Variants in FOXN3 observed in about 807,000 individuals in gnomAD.
The protein encoded by FOXN3 is forkhead box N3, also known as forkhead box protein N3.
Under a neutral mutation model 38.4 loss-of-function variants are expected in FOXN3, and 7 were observed. The observed-to-expected ratio is 0.18, with a 90% CI of 0.10 to 0.34. The LOEUF is 0.34. Among genes scored for constraint, FOXN3 ranks in the 10% least tolerant of loss-of-function variants. The pLI is 1.00. For synonymous variants in FOXN3, 230 were observed against 242.2 expected, an observed-to-expected ratio of 0.95 and a Z score of 0.47; for missense variants, 456 against 613.4, an observed-to-expected ratio of 0.74 and a Z score of 2.71.
intron 1 of FOXN3, among the ~76,000 whole-genome samples, chr14:89,435,060 C>G (rs1040034378): frequency 2.8e-4 from 42 of 152,150 alleles, no homozygotes; most frequent in Admixed American, 2.7e-3. Context: ...CCCATATATC[C>G]TAGACAAGAG....
At chr14:89,176,792 T>A (rs1887529981) in intron 5 of FOXN3, among the ~76,000 whole-genome samples, 1 of 152,188 alleles carries the variant, frequency 6.6e-6, no homozygotes, top group African/African-American at 2.4e-5. Context: ...ATGTTTGTGT[T>A]CCTTCTTTCC....
intron 4 of FOXN3, chr14:89,190,538 G>T: frequency 1.9e-6 from 2 of 1,054,292 alleles, no homozygotes; most frequent in Non-Finnish European, 1.4e-6. Flanking sequence ...GTTTATGAAT[G>T]CAACAGAGAA....
intron 1 of FOXN3, among the ~76,000 whole-genome samples, chr14:89,481,790 G>A (rs1355565891): frequency 6.6e-6 from 1 of 152,176 alleles, no homozygotes; most frequent in Non-Finnish European, 1.5e-5. Context: ...ACTCTTAGAA[G>A]AGTCTCAATA....
intron 1 of FOXN3, among the ~76,000 whole-genome samples, chr14:89,486,307 C>G (rs1893445569): frequency 6.6e-6 from 1 of 152,146 alleles, no homozygotes; most frequent in Non-Finnish European, 1.5e-5. Context: ...CTTTGTATTT[C>G]TACGACTCAC....
intron 2 of FOXN3, among the ~76,000 whole-genome samples, chr14:89,382,723 A>C (rs1461754058): frequency 6.6e-6 from 1 of 152,236 alleles, no homozygotes; most frequent in Non-Finnish European, 1.5e-5. Context: ...AAAATGGAAC[A>C]ATCATTGCCA....
At chr14:89,381,311 T>C (rs183847045) in intron 2 of FOXN3, among the ~76,000 whole-genome samples, 1 of 152,134 alleles carries the variant, frequency 6.6e-6, no homozygotes, top group East Asian at 1.9e-4. Context: ...CAGGATTCCT[T>C]GGGTGACTCA....
chr14:89,170,525 C>T (rs1241192518), intron 5 of FOXN3, among the ~76,000 whole-genome samples: 1 of 152,198 alleles, frequency 6.6e-6, no homozygotes, highest in African/African-American at 2.4e-5. Flanking sequence ...AATCTCCCAC[C>T]TCAGCCTCCC....
At chr14:89,370,194 AT>A (rs913352204) in intron 2 of FOXN3, among the ~76,000 whole-genome samples, 49 of 152,228 alleles carry the variant, frequency 3.2e-4, no homozygotes, top group African/African-American at 1.2e-3. Flanking sequence ...CAGAAAAAAA[AT>A]CATCTGTTTG....
At chr14:89,596,346 A>G (rs991970825) in intron 1 of FOXN3, among the ~76,000 whole-genome samples, 1 of 152,160 alleles carries the variant, frequency 6.6e-6, no homozygotes, top group Non-Finnish European at 1.5e-5. Flanking sequence ...CATATTGGCC[A>G]GGCTGGTCTC....
chr14:89,476,609 T>A (rs1226620059), intron 1 of FOXN3, among the ~76,000 whole-genome samples: 1 of 152,132 alleles, frequency 6.6e-6, no homozygotes, highest in Non-Finnish European at 1.5e-5. Context: ...ATAAACCACA[T>A]AAACATATTC....
intron 4 of FOXN3, among the ~76,000 whole-genome samples, chr14:89,202,600 C>T (rs1251501796): frequency 1.3e-5 from 2 of 152,168 alleles, no homozygotes; most frequent in Non-Finnish European, 2.9e-5. Context: ...CGGGGAGGAT[C>T]CCTCGTGAAT....
chr14:89,265,901 C>T (rs1176196507), intron 4 of FOXN3, among the ~76,000 whole-genome samples: 7 of 152,222 alleles, frequency 4.6e-5, no homozygotes, highest in Admixed American at 6.5e-5. Flanking sequence ...ATGACATTCA[C>T]GTTCCCTGGT....
intron 4 of FOXN3, among the ~76,000 whole-genome samples, chr14:89,244,539 T>C (rs967783019): frequency 3.3e-5 from 5 of 152,228 alleles, no homozygotes; most frequent in Non-Finnish European, 7.3e-5. Context: ...TCTGGGCATA[T>C]GCTAATATCA....
intron 1 of FOXN3, among the ~76,000 whole-genome samples, chr14:89,477,448 C>T (rs1344492662): frequency 2.0e-5 from 3 of 152,256 alleles, no homozygotes; most frequent in Non-Finnish European, 2.9e-5. Context: ...GGAGTCACTT[C>T]AACCCTTGAT....
chr14:89,238,082 C>T (rs1325184109), intron 4 of FOXN3, among the ~76,000 whole-genome samples: 2 of 152,222 alleles, frequency 1.3e-5, no homozygotes, highest in African/African-American at 4.8e-5. Flanking sequence ...CTCTTCAGCA[C>T]CCTCTACCTT....
chr14:89,472,843 A>G (rs973597790), intron 1 of FOXN3, among the ~76,000 whole-genome samples: 2 of 152,108 alleles, frequency 1.3e-5, no homozygotes, highest in Non-Finnish European at 2.9e-5. Flanking sequence ...TTCTTTCCAA[A>G]AGGTAAATTA....
chr14:89,223,201 A>C (rs1194461985), intron 4 of FOXN3: 1 of 152,390 alleles, frequency 6.6e-6, no homozygotes, highest in Admixed American at 6.5e-5. Flanking sequence ...TGCTAGATCT[A>C]TGAGGATGGG....
At chr14:89,575,386 G>A (rs894973093) in intron 1 of FOXN3, among the ~76,000 whole-genome samples, 4 of 152,118 alleles carry the variant, frequency 2.6e-5, no homozygotes, top group African/African-American at 7.2e-5. Context: ...GTAAACCCTG[G>A]CTGGGGTGGG....
At chr14:89,515,712 G>A (rs1285261483) in intron 1 of FOXN3, among the ~76,000 whole-genome samples, 1 of 152,160 alleles carries the variant, frequency 6.6e-6, no homozygotes, top group Non-Finnish European at 1.5e-5. Context: ...CTCCAGCCTG[G>A]AAGACAGAGG....
Sources: gnomAD v4.1 joint callset for allele counts (sites outside exome capture counted in the v4.1 genomes callset) on GRCh38, gnomAD v4.1.1 for gene constraint, MANE v1.5 for transcripts, NCBI Gene and HGNC (gene_info 2026-07-23, HGNC 2026-07-21) for gene names.